LPCAT3: variants seen among roughly 807,000 people sequenced by gnomAD.
LPCAT3 encodes the protein lysophospholipid acyltransferase 5.
Under a neutral mutation model 63.4 loss-of-function variants are expected in LPCAT3, and 21 were observed. That is an observed-to-expected ratio of 0.33 (90% confidence interval 0.23 to 0.48). LPCAT3 has a LOEUF of 0.48. Ranked by LOEUF, LPCAT3 falls within the 20% of genes least tolerant of loss-of-function variation. The probability of loss-of-function intolerance (pLI) is 0.99; values close to 1 mark genes in which losing one functional copy is unlikely to be tolerated. For missense variants in LPCAT3, 451 were observed against 590.6 expected (o/e 0.76, Z 2.45); for synonymous variants, 242 against 227.5 (o/e 1.06, Z -0.58).
At chr12:6,992,565 C>G (rs1316270207) in intron 1 of LPCAT3, among the ~76,000 whole-genome samples, 3 of 152,050 alleles carry the variant, frequency 2.0e-5, no homozygotes, top group African/African-American at 4.8e-5. Context: ...TAATTTTTAC[C>G]CCAAAGAGAT....
intron 1 of LPCAT3, among the ~76,000 whole-genome samples, chr12:7,010,001 G>A (rs1046874449): frequency 6.6e-6 from 1 of 152,132 alleles, no homozygotes; most frequent in Non-Finnish European, 1.5e-5. Context: ...GAAATGGGTG[G>A]TTGAACTCTG....
At chr12:6,983,762 G>A (rs1466538066) in intron 1 of LPCAT3, among the ~76,000 whole-genome samples, 1 of 152,072 alleles carries the variant, frequency 6.6e-6, no homozygotes. Flanking sequence ...TTTGATTGAG[G>A]CAATATAAAG....
rs781890054 is a variant in LPCAT3, at chr12:6,978,671, G to A, written c.805C>T (p.Arg269Cys). The change falls in exon 8 of 13, where the codon CGC becomes TGC. Residue 269 changes from arginine to cysteine, a missense_variant. Physicochemically the swap from Arg to Cys is radical, Grantham distance 180. Transcript: ENST00000261407. Reference protein sequence around the residue: ...EDYDNHPFWFRCMYMLIWGKF... With the variant: ...EDYDNHPFWFCCMYMLIWGKF... ...CCCCAGATCAGCATGTACATGCAGC[G>A]GAACCAGAAGGGGTGGTTCTTGAGG... 8.7e-6 allele frequency: 14 copies of A among 1,614,010 alleles called. No homozygotes were observed. Among genetic ancestry groups the A allele is most frequent in the Non-Finnish European group, 1.1e-5 (13 of 1,180,002 alleles).
At chr12:6,999,014 A>C (rs1472956867) in intron 1 of LPCAT3, among the ~76,000 whole-genome samples, 5 of 152,234 alleles carry the variant, frequency 3.3e-5, no homozygotes, top group Non-Finnish European at 7.3e-5. Flanking sequence ...CTGGGAGTGA[A>C]TCACTAATAA....
chr12:7,018,159 G>C lies in LPCAT3; in HGVS notation c.151+115C>G. 1.6e-6 allele frequency: 2 copies of C among 1,248,042 alleles called. No homozygotes were observed. The highest frequency in any genetic ancestry group is 5.0e-4 in the Middle Eastern group (2 of 4,000). 77.3% of individuals were successfully genotyped at this position (1,248,042 alleles called of 1,614,324 possible). A position where few individuals can be genotyped will look rare whatever the true frequency, so the allele number is the denominator to read the frequency against. On this transcript the variant is annotated intron_variant, in intron 1 of 12. Coordinates refer to ENST00000261407, the MANE Select transcript of LPCAT3 (RefSeq NM_005768.6). This position sits in a 1 kb window ranked among gnomAD's most constrained non-coding sequence, Gnocchi z 4.9. ...TTGGTGTGCTTCAGGATTCACACCC[G>C]CACCCGGCACAGCCCTCCCGGGTGG...
At position 7,011,050 on chromosome 12, in the gene LPCAT3, C is replaced by T. The variant is rs1451602185; in HGVS notation, c.151+7224G>A. Among the ~76,000 whole-genome samples, 5 of 152,216 alleles carry T rather than the reference C, an allele frequency of 3.3e-5. 1 individual carries two copies. ...TTTATTTTTGAGACAGAATCTTGCT[C>T]TTTTGCCCATGCTGGAGTGTAGAGG... is the stretch of plus-strand genomic sequence containing the variant. On this transcript the variant is annotated intron_variant, in intron 1 of 12. Transcript: ENST00000261407.
At position 6,977,800 on chromosome 12, in the gene LPCAT3, C is replaced by T; in HGVS notation, c.1041-55G>A. The T allele has an allele frequency of 1.2e-6, 2 of 1,603,494 alleles. No homozygotes were observed. Among genetic ancestry groups the T allele is most frequent in the Non-Finnish European group, 1.7e-6 (2 of 1,172,988 alleles). ...CAAACTGACTGGTCCTTGCATCCCG[C>T]CACCTGCCTCTGGGTCCTCACCCTG... On this transcript the variant is annotated intron_variant, in intron 9 of 12. Coordinates refer to ENST00000261407, the MANE Select transcript of LPCAT3 (RefSeq NM_005768.6). The surrounding 1 kb of genome is among the most constrained non-coding windows in gnomAD (Gnocchi z 4.5).
At chr12:7,001,808 T>A (rs782657273) in intron 1 of LPCAT3, among the ~76,000 whole-genome samples, 11 of 152,196 alleles carry the variant, frequency 7.2e-5, no homozygotes, top group African/African-American at 2.6e-4. Context: ...TTTTTCTGTA[T>A]AGTGGTTGAA....
chr12:7,018,404 C>T lies in LPCAT3; in HGVS notation c.21G>A (p.Gly7=), dbSNP rs782660455. The part of the protein sequence containing the change: MASSAE[G]DEGTVVALAG... ...CCAGCGCCACCACAGTCCCCTCGTC[C>T]CCCTCCGCTGAGGACGCCATCTTAA... Residue 7 remains glycine, a synonymous_variant, in exon 1 of 13, where the codon GGG becomes GGA. Transcript: ENST00000261407. The surrounding 1 kb of genome is among the most constrained non-coding windows in gnomAD (Gnocchi z 4.9). 6.2e-7 allele frequency: 1 copy of T among 1,610,172 alleles called. No individual in the cohort carries two copies. Among genetic ancestry groups the T allele is most frequent in the Non-Finnish European group, 8.5e-7 (1 of 1,177,976 alleles).
intron 1 of LPCAT3, among the ~76,000 whole-genome samples, chr12:6,999,560 G>C (rs1946667076): frequency 6.6e-6 from 1 of 152,216 alleles, no homozygotes; most frequent in South Asian, 2.1e-4. Context: ...TGTAGTGCTA[G>C]TGATTAATGT....
chr12:6,987,029 C>T lies in LPCAT3; in HGVS notation c.152-3490G>A, dbSNP rs1946534758. On this transcript the variant is annotated intron_variant, in intron 1 of 12. Coordinates refer to ENST00000261407, the MANE Select transcript of LPCAT3 (RefSeq NM_005768.6). This position sits in a 1 kb window ranked among gnomAD's most constrained non-coding sequence, Gnocchi z 4.1. ...TTGGGAAGCTGAGGCAGGAGAATTG[C>T]TTGAACCCAGGAGGCGGAGGTGGCA... Among the ~76,000 whole-genome samples, 1 of 151,844 alleles carries T rather than the reference C, an allele frequency of 6.6e-6. No homozygotes were observed. The highest frequency in any genetic ancestry group is 2.1e-4 in the South Asian group (1 of 4,818).
intron 1 of LPCAT3, among the ~76,000 whole-genome samples, chr12:6,985,834 C>T (rs1371425058): frequency 1.3e-5 from 2 of 149,450 alleles, no homozygotes; most frequent in Admixed American, 1.3e-4. Context: ...TGCAATGGCA[C>T]GATCTTGGCA....
chr12:7,001,379 G>T, intron 1 of LPCAT3: 1 of 453,786 alleles, frequency 2.2e-6, no homozygotes, highest in Non-Finnish European at 4.4e-6. Context: ...AGAAATCCTA[G>T]ATTTAAAAAA....
intron 1 of LPCAT3, among the ~76,000 whole-genome samples, chr12:7,006,588 C>G (rs1555156873): frequency 6.6e-6 from 1 of 152,182 alleles, no homozygotes; most frequent in African/African-American, 2.4e-5. Context: ...ATTTCCTATT[C>G]TTTCAGAGCA....
chr12:7,003,969 A>G (rs1479297002), intron 1 of LPCAT3, among the ~76,000 whole-genome samples: 1 of 150,482 alleles, frequency 6.6e-6, no homozygotes, highest in Non-Finnish European at 1.5e-5. Flanking sequence ...TAGGATGCTT[A>G]TTAAAAATGC....
chr12:7,006,162 C>G (rs1946723464), intron 1 of LPCAT3, among the ~76,000 whole-genome samples: 1 of 152,210 alleles, frequency 6.6e-6, no homozygotes, highest in Admixed American at 6.5e-5. Context: ...TTGAGAGGCG[C>G]TGGCCTACGG....
chr12:6,989,012 G>T, intron 1 of LPCAT3, among the ~76,000 whole-genome samples: 1 of 151,874 alleles, frequency 6.6e-6, no homozygotes, highest in East Asian at 1.9e-4. Context: ...TGTAATCCCA[G>T]CTACTCGGGA....
chr12:6,976,880 C>T lies in LPCAT3; in HGVS notation c.*24G>A, dbSNP rs1946409752. 4.7e-6 allele frequency: 2 copies of T among 426,396 alleles called. No individual in the cohort carries two copies. Among genetic ancestry groups the T allele is most frequent in the Non-Finnish European group, 8.7e-6 (2 of 228,866 alleles). The allele number at this position is 426,396 out of a possible 1,614,324, so 26.4% of individuals were successfully genotyped here. On this transcript the variant is annotated 3_prime_UTR_variant, in exon 13 of 13. Coordinates refer to ENST00000261407, the MANE Select transcript of LPCAT3 (RefSeq NM_005768.6). The stretch of plus-strand genomic sequence containing the variant: ...AGACGAGTAGTTTCTGCACCAGTCC[C>T]GCACAGGCCACCTGCAAGACAAGAG...
intron 7 of LPCAT3, 113 bp downstream of exon 7, chr12:6,979,358 A>G: frequency 1.3e-6 from 1 of 787,980 alleles, no homozygotes; most frequent in South Asian, 1.7e-5. Flanking sequence ...GAGCAAAACC[A>G]ACATGCACTT....
Sources: allele counts gnomAD v4.1 joint callset (sites outside exome capture counted in the v4.1 genomes callset), GRCh38; gene constraint gnomAD v4.1.1; non-coding constraint Gnocchi (gnomAD v3.1); transcripts MANE v1.5; gene names NCBI Gene and HGNC (gene_info 2026-07-23, HGNC 2026-07-21).